RBM20: variants seen among roughly 807,000 people sequenced by gnomAD.
RBM20 encodes the protein RNA-binding protein 20.
Under a neutral mutation model 110.1 loss-of-function variants are expected in RBM20, and 51 were observed. The observed-to-expected ratio is 0.46, with a 90% confidence interval of 0.37 to 0.59. The LOEUF (loss-of-function observed/expected upper bound fraction) is 0.59. Among genes scored for constraint, RBM20 ranks in the 20% least tolerant of loss-of-function variants. RBM20 has a pLI of 0.00. For missense variants in RBM20, 1,512 were observed against 1,574.9 expected, an observed-to-expected ratio of 0.96 and a Z score of 0.68; for synonymous variants, 589 against 618.2, an observed-to-expected ratio of 0.95 and a Z score of 0.70.
At chr10:110,737,149 C>T (rs12769350) in intron 1 of RBM20, among the ~76,000 whole-genome samples, 96,335 of 138,802 alleles carry the variant, frequency 0.69, 34,144 homozygotes, top group African/African-American at 0.85. Flanking sequence ...TGCACTCCAG[C>T]CTGGGCAAGA....
chr10:110,812,243 A>G (rs1844776512), intron 8 of RBM20, 35 bp from the exon 9 acceptor site: 2 of 1,504,842 alleles, frequency 1.3e-6, no homozygotes, highest in Non-Finnish European at 1.8e-6. Flanking sequence ...GGGAGGTGTG[A>G]AGATTCTAAA....
chr10:110,763,759 T>C (rs1482755913), intron 1 of RBM20, among the ~76,000 whole-genome samples: 4 of 149,990 alleles, frequency 2.7e-5, no homozygotes, highest in African/African-American at 7.3e-5. Context: ...GGCTTTTTTT[T>C]TTTTTTTTTT....
intron 1 of RBM20, among the ~76,000 whole-genome samples, chr10:110,759,128 TTGTC>T (rs1422112224): frequency 2.0e-5 from 3 of 152,218 alleles, no homozygotes; most frequent in East Asian, 1.9e-4. Flanking sequence ...TGGCCAGCCT[TTGTC>T]TGTGCAGGAT....
intron 2 of RBM20, among the ~76,000 whole-genome samples, chr10:110,782,918 G>T (rs1844372741): frequency 6.6e-6 from 1 of 152,172 alleles, no homozygotes; most frequent in South Asian, 2.1e-4. Flanking sequence ...CTGACACGGG[G>T]AGGTGCTCAA....
chr10:110,812,669 G>C lies in RBM20; in HGVS notation c.2272G>C (p.Gly758Arg). 1.9e-6 allele frequency: 3 copies of C among 1,551,694 alleles called. No individual in the cohort carries two copies. The highest frequency in any genetic ancestry group is 1.2e-5 in the South Asian group (1 of 84,060). ...GTCCAGCTACAAAAGCCGTGAAGAC[G>C]GCTACTACCGGAAAGAGCCCAAAGC... is the stretch of plus-strand genomic sequence containing the variant. ...SVSSYKSRED[G>R]YYRKEPKAKS... is the part of the protein sequence containing the mutation. Residue 758 changes from glycine to arginine, a missense_variant, in exon 9 of 14, where the codon GGC becomes CGC. Gly to Arg is a moderately radical substitution (Grantham distance 125, BLOSUM62 -2). Transcript: ENST00000369519.
At chr10:110,764,113 C>T (rs1454915430) in intron 1 of RBM20, among the ~76,000 whole-genome samples, 3 of 152,176 alleles carry the variant, frequency 2.0e-5, no homozygotes, top group Non-Finnish European at 4.4e-5. Context: ...CCGTTCATCT[C>T]CTGTTCCACA....
rs530854687 is a variant in RBM20 at position 110,762,737 on chromosome 10, C to T, written c.192-18064C>T. 1.8e-4 allele frequency among the ~76,000 whole-genome samples: 28 copies of T among 152,284 alleles called. 1 individual carries two copies. The East Asian group carries it at 5.4e-3, about 29-fold the overall frequency. ...TTCAGGTGTTTGTTTTTAACCACTG[C>T]ACATCACTGCTTCTCCCACAATGGC... On this transcript the variant is annotated intron_variant, in intron 1 of 13. Coordinates refer to ENST00000369519, the MANE Select transcript of RBM20 (RefSeq NM_001134363.3).
chr10:110,677,352 T>C (rs997471191), intron 1 of RBM20, among the ~76,000 whole-genome samples: 1 of 152,046 alleles, frequency 6.6e-6, no homozygotes, highest in Non-Finnish European at 1.5e-5. Flanking sequence ...ACAGTCTAGC[T>C]CTGTCACCAA....
chr10:110,733,113 T>C (rs1168568154), intron 1 of RBM20, among the ~76,000 whole-genome samples: 1 of 152,242 alleles, frequency 6.6e-6, no homozygotes, highest in African/African-American at 2.4e-5. Flanking sequence ...GAAGGGAAGC[T>C]TGTAAGGCTC....
In RBM20 at chr10:110,788,874, C is replaced by T. The variant is rs546765253; in HGVS notation, c.1527+3985C>T. On this transcript the variant is annotated intron_variant, in intron 5 of 13. Coordinates refer to ENST00000369519, the MANE Select transcript of RBM20 (RefSeq NM_001134363.3). The stretch of plus-strand genomic sequence containing the variant: ...ATTTTTCCAGTTTCCAATGAATGCC[C>T]AGTGAGTTGTTTTTGCATATACATT... 2.6e-5 allele frequency among the ~76,000 whole-genome samples: 4 copies of T among 152,254 alleles called. No homozygotes were observed. The South Asian group carries it at 8.3e-4, about 32-fold the overall frequency.
At chr10:110,695,555 C>G (rs926072846) in intron 1 of RBM20, among the ~76,000 whole-genome samples, 1 of 152,210 alleles carries the variant, frequency 6.6e-6, no homozygotes, top group African/African-American at 2.4e-5. Flanking sequence ...AATCTACAAC[C>G]AACTCCTCTT....
In RBM20 at chr10:110,835,822, C is replaced by A. The variant is rs766124702; in HGVS notation, c.3574-46C>A. On this transcript the variant is annotated intron_variant, in intron 13 of 13. Transcript: ENST00000369519. ...CCGCTCCTCTCCTCTCCATCTAGGTCCCTACTAACATGCCCCTTCCTCCAC... is the reference window on the plus strand; with the variant it reads ...CCGCTCCTCTCCTCTCCATCTAGGTACCTACTAACATGCCCCTTCCTCCAC... 4.5e-6 allele frequency: 7 copies of A among 1,539,822 alleles called. No individual in the cohort carries two copies. The South Asian group carries it at 8.4e-5, about 18-fold the overall frequency.
chr10:110,669,350 G>A (rs1189485220), intron 1 of RBM20, among the ~76,000 whole-genome samples: 4 of 152,092 alleles, frequency 2.6e-5, no homozygotes, highest in African/African-American at 4.8e-5. Context: ...ATATTTAAAC[G>A]ACCAGCTCCT....
At chr10:110,646,468 A>G (rs1335748714) in intron 1 of RBM20, among the ~76,000 whole-genome samples, 1 of 152,248 alleles carries the variant, frequency 6.6e-6, no homozygotes, top group East Asian at 1.9e-4. Flanking sequence ...GAAGGGCAGG[A>G]TGGAGACCTC....
At chr10:110,676,468 T>C (rs1862341345) in intron 1 of RBM20, among the ~76,000 whole-genome samples, 1 of 152,260 alleles carries the variant, frequency 6.6e-6, no homozygotes. Flanking sequence ...GAAACTTTGC[T>C]CTAAGATGAA....
At chr10:110,710,064 T>C (rs1862901526) in intron 1 of RBM20, among the ~76,000 whole-genome samples, 1 of 152,196 alleles carries the variant, frequency 6.6e-6, no homozygotes, top group East Asian at 1.9e-4. Flanking sequence ...TAGTATTTCA[T>C]ATGAAGAAAG....
At chr10:110,733,341 G>A (rs928245013) in intron 1 of RBM20, among the ~76,000 whole-genome samples, 2 of 152,188 alleles carry the variant, frequency 1.3e-5, no homozygotes, top group African/African-American at 4.8e-5. Flanking sequence ...GGCGGGGGAT[G>A]TGTAATGTTG....
At chr10:110,767,602 G>A (rs1325494364) in intron 1 of RBM20, among the ~76,000 whole-genome samples, 1 of 148,296 alleles carries the variant, frequency 6.7e-6, no homozygotes, top group African/African-American at 2.5e-5. Context: ...GGGTCTCCTC[G>A]CTTCTCAGAC....
intron 1 of RBM20, among the ~76,000 whole-genome samples, chr10:110,723,659 A>G (rs1288627873): frequency 6.6e-6 from 1 of 152,130 alleles, no homozygotes; most frequent in East Asian, 1.9e-4. Flanking sequence ...TTTGATTTGC[A>G]TTTCCTTAGT....
Sources: gnomAD v4.1 joint callset for allele counts (sites outside exome capture counted in the v4.1 genomes callset) on GRCh38, gnomAD v4.1.1 for gene constraint, MANE v1.5 for transcripts, NCBI Gene and HGNC (gene_info 2026-07-23, HGNC 2026-07-21) for gene names.